Variants in MAGI1 observed in about 807,000 individuals in gnomAD.
MAGI1 encodes membrane-associated guanylate kinase, WW and PDZ domain-containing protein 1.
Under a neutral mutation model 139.9 loss-of-function variants are expected in MAGI1, and 58 were observed. That is an observed-to-expected ratio of 0.41 (90% CI 0.34 to 0.52). The LOEUF (loss-of-function observed/expected upper bound fraction) is 0.52. Among genes scored for constraint, MAGI1 ranks in the 20% least tolerant of loss-of-function variants. The pLI is 0.12. For missense variants in MAGI1, 1,874 were observed against 1,901.6 expected (o/e 0.99, Z 0.27); for synonymous variants, 812 against 737.9 (o/e 1.10, Z -1.63).
intron 1 of MAGI1, among the ~76,000 whole-genome samples, chr3:65,690,742 T>TTACAGCCTCCCAATGTGCTGGGAG: frequency 6.6e-6 from 1 of 151,774 alleles, no homozygotes; most frequent in African/African-American, 2.4e-5. Context: ...TGTGCTGGGA[T>TTACAGCCTCCCAATGTGCTGGGAG]TACAGCCTCC....
At chr3:65,805,735 C>T (rs1476689593) in intron 1 of MAGI1, among the ~76,000 whole-genome samples, 3 of 152,172 alleles carry the variant, frequency 2.0e-5, no homozygotes, top group Non-Finnish European at 1.5e-5. Flanking sequence ...GGCACATATA[C>T]ACCGTGGAAT....
intron 1 of MAGI1, among the ~76,000 whole-genome samples, chr3:65,872,368 C>G (rs962488313): frequency 2.0e-5 from 3 of 152,182 alleles, no homozygotes; most frequent in African/African-American, 7.2e-5. Context: ...CCAACTCTTC[C>G]TCTCCACTGT....
At chr3:65,910,375 A>C (rs1387603424) in intron 1 of MAGI1, among the ~76,000 whole-genome samples, 1 of 152,228 alleles carries the variant, frequency 6.6e-6, no homozygotes, top group Non-Finnish European at 1.5e-5. Context: ...GGATAAATGC[A>C]ATGCTGTACT....
chr3:65,512,422 G>A, intron 2 of MAGI1, among the ~76,000 whole-genome samples: 1 of 144,522 alleles, frequency 6.9e-6, no homozygotes, highest in Admixed American at 6.9e-5. Flanking sequence ...GACTAATAAA[G>A]AAAAAAAGAG....
chr3:65,375,774 G>A lies in MAGI1; in HGVS notation c.3167C>T (p.Thr1056Ile). Residue 1056 changes from threonine to isoleucine, a missense_variant, in exon 18 of 23, where the codon ACA becomes ATA. Thr to Ile is a moderately conservative substitution (Grantham distance 89, BLOSUM62 -1). Around this residue, in one of 5 missense-constraint regions of MAGI1, gnomAD observed 653 missense variants for 644.5 expected, o/e 1.01. Transcript: ENST00000402939. Reference protein sequence around the residue: ...IVNLIKEAGNTVTLRIIPGDE... With the variant: ...IVNLIKEAGNIVTLRIIPGDE... ...CCCAGGAATGATGCGGAGGGTAACT[G>A]TGTTTCCCGCTTCCTTGATTAGGTT... The A allele has an allele frequency of 6.2e-7, 1 of 1,613,698 alleles. No homozygotes were observed. Among genetic ancestry groups the A allele is most frequent in the Non-Finnish European group, 8.5e-7 (1 of 1,179,638 alleles).
intron 1 of MAGI1, among the ~76,000 whole-genome samples, chr3:65,782,732 G>C (rs534434104): frequency 1.3e-5 from 2 of 150,922 alleles, no homozygotes; most frequent in African/African-American, 4.9e-5. Flanking sequence ...TTTGTTTTCA[G>C]GTGTAATACC....
At chr3:65,737,924 T>C (rs1432789446) in intron 1 of MAGI1, among the ~76,000 whole-genome samples, 1 of 152,146 alleles carries the variant, frequency 6.6e-6, no homozygotes, top group Non-Finnish European at 1.5e-5. Context: ...ACCTGCCTCA[T>C]TAGGACTCCT....
At chr3:65,726,345 A>G (rs9834920) in intron 1 of MAGI1, among the ~76,000 whole-genome samples, 46,355 of 152,140 alleles carry the variant, frequency 0.3, 7,632 homozygotes, top group African/African-American at 0.38. Context: ...AATATTCAGC[A>G]TACAGGATGC....
chr3:65,822,749 T>TA (rs2042016345), intron 1 of MAGI1, among the ~76,000 whole-genome samples: 1 of 151,912 alleles, frequency 6.6e-6, no homozygotes. Context: ...ATGAGGAAGA[T>TA]AGAGTGTGAG....
chr3:65,774,364 T>C (rs2038199693), intron 1 of MAGI1, among the ~76,000 whole-genome samples: 1 of 152,198 alleles, frequency 6.6e-6, no homozygotes, highest in African/African-American at 2.4e-5. Flanking sequence ...CCCATGAATT[T>C]ATTGAAAATG....
chr3:65,957,572 G>A (rs147155752), intron 1 of MAGI1, among the ~76,000 whole-genome samples: 250 of 150,320 alleles, frequency 1.7e-3, no homozygotes, highest in Middle Eastern at 3.5e-3. Context: ...ACAGCTACAT[G>A]CGACATGGAC....
chr3:65,655,506 T>G (rs781509333), intron 1 of MAGI1, among the ~76,000 whole-genome samples: 41 of 152,250 alleles, frequency 2.7e-4, no homozygotes, highest in Middle Eastern at 3.4e-3. Flanking sequence ...TGCATACAGA[T>G]CTATTAATTC....
At chr3:65,453,059 T>G (rs1949137631) in intron 6 of MAGI1, 199 bp downstream of exon 6, 8 of 580,508 alleles carry the variant, frequency 1.4e-5, no homozygotes, top group Non-Finnish European at 2.5e-5. Context: ...CATCTGTCTT[T>G]ATGTGTAAAC....
At chr3:65,896,093 C>T (rs1193587550) in intron 1 of MAGI1, among the ~76,000 whole-genome samples, 1 of 152,048 alleles carries the variant, frequency 6.6e-6, no homozygotes, top group Non-Finnish European at 1.5e-5. Flanking sequence ...ATGGGGAAGC[C>T]CCCAGCCAGA....
chr3:65,825,565 C>A (rs576706610), intron 1 of MAGI1, among the ~76,000 whole-genome samples: 2 of 131,816 alleles, frequency 1.5e-5, no homozygotes, highest in African/African-American at 5.1e-5. Flanking sequence ...CTAAAATGCC[C>A]ATCAAAAGGG....
rs139026167 is a variant in MAGI1, at chr3:65,894,376, C to G, written c.313+143620G>C. Among the ~76,000 whole-genome samples the G allele has an allele frequency of 9.7e-3, 1,473 of 152,256 alleles. 20 individuals carry two copies. The highest frequency in any genetic ancestry group is 0.025 in the South Asian group (119 of 4,824). Reference sequence around the variant, plus strand: ...ACATCATATTTATAAAACATTCCATCTAAACTGAGTTGTTCCTTGGTGAAA... The same window carrying G: ...ACATCATATTTATAAAACATTCCATGTAAACTGAGTTGTTCCTTGGTGAAA... On this transcript the variant is annotated intron_variant, in intron 1 of 22. Transcript: ENST00000402939.
intron 1 of MAGI1, among the ~76,000 whole-genome samples, chr3:65,938,289 ATAT>A (rs2063155222): frequency 6.7e-6 from 1 of 148,152 alleles, no homozygotes; most frequent in Admixed American, 6.8e-5. Context: ...ATTAATATGA[ATAT>A]TATAATATAT....
chr3:65,474,547 G>A (rs1373457015), intron 4 of MAGI1, among the ~76,000 whole-genome samples: 2 of 152,010 alleles, frequency 1.3e-5, no homozygotes, highest in African/African-American at 2.4e-5. Flanking sequence ...AAAATCGTTT[G>A]TAAAACAGAA....
At chr3:66,001,065 A>G (rs1216281757) in intron 1 of MAGI1, among the ~76,000 whole-genome samples, 1 of 152,194 alleles carries the variant, frequency 6.6e-6, no homozygotes, top group African/African-American at 2.4e-5. Context: ...GCTATCAAAT[A>G]GGGGAGACAG....
Sources: gnomAD v4.1 joint callset for allele counts (sites outside exome capture counted in the v4.1 genomes callset) on GRCh38, gnomAD v4.1.1 for gene constraint, gnomAD v4.1.1 regional missense constraint, MANE v1.5 for transcripts, NCBI Gene and HGNC (gene_info 2026-07-23, HGNC 2026-07-21) for gene names.